The following CCDC192 variants were observed in gnomAD, a reference collection of about 807,000 sequenced individuals.
CCDC192 encodes the protein coiled-coil domain containing 192, also known as coiled-coil domain-containing protein 192.
Position 127,876,973 on chromosome 5 carries a change from C to T in CCDC192, c.535+1312C>T, listed in dbSNP as rs183752924. Among the ~76,000 whole-genome samples the T allele has an allele frequency of 3.7e-4, 57 of 152,172 alleles. 1 individual carries two copies. The highest frequency in any genetic ancestry group is 3.3e-3 in the South Asian group (16 of 4,824). On this transcript the variant is annotated intron_variant, in intron 6 of 6. Coordinates refer to ENST00000514853, the MANE Select transcript of CCDC192 (RefSeq NM_001317938.2). ...CCATGAAACCTAAAAGAATAAAATC[C>T]GTCACAGAATATTATCCATTTAAAA...
At chr5:127,822,288 G>A (rs928954398) in intron 5 of CCDC192, among the ~76,000 whole-genome samples, 3 of 152,110 alleles carry the variant, frequency 2.0e-5, no homozygotes, top group African/African-American at 7.2e-5. Context: ...TCCCTTTTGG[G>A]GTTCAATCTG....
chr5:127,703,826 C>CCAGCCT (rs1750812916), intron 1 of CCDC192, among the ~76,000 whole-genome samples: 1 of 152,124 alleles, frequency 6.6e-6, no homozygotes, highest in South Asian at 2.1e-4. Flanking sequence ...GGGTATGAAG[C>CCAGCCT]CAGCCTTCTT....
chr5:127,708,136 A>G (rs1751076733), intron 2 of CCDC192, among the ~76,000 whole-genome samples: 1 of 152,236 alleles, frequency 6.6e-6, no homozygotes, highest in Non-Finnish European at 1.5e-5. Flanking sequence ...CACGAATGAT[A>G]TACATTGGGT....
intron 6 of CCDC192, among the ~76,000 whole-genome samples, chr5:127,901,010 T>C (rs974541972): frequency 6.6e-5 from 10 of 152,220 alleles, no homozygotes; most frequent in Non-Finnish European, 8.8e-5. Flanking sequence ...CCCTGGAGAA[T>C]ACATATTTTG....
At chr5:127,751,414 C>G (rs906551943) in intron 2 of CCDC192, among the ~76,000 whole-genome samples, 1 of 151,938 alleles carries the variant, frequency 6.6e-6, no homozygotes. Flanking sequence ...GTTGAAAATT[C>G]TTTTCTTTAA....
At chr5:127,728,645 G>T (rs774711825) in intron 2 of CCDC192, among the ~76,000 whole-genome samples, 5 of 152,136 alleles carry the variant, frequency 3.3e-5, no homozygotes, top group Non-Finnish European at 7.3e-5. Context: ...TAACAAGTCT[G>T]CAAAATAACC....
chr5:127,820,780 A>G (rs1236839303), intron 5 of CCDC192, among the ~76,000 whole-genome samples: 1 of 152,104 alleles, frequency 6.6e-6, no homozygotes, highest in African/African-American at 2.4e-5. Context: ...TACTTTTCAA[A>G]TATATGTATC....
intron 3 of CCDC192, among the ~76,000 whole-genome samples, chr5:127,790,934 A>G (rs1424716684): frequency 6.6e-6 from 1 of 152,212 alleles, no homozygotes; most frequent in Non-Finnish European, 1.5e-5. Flanking sequence ...AGTTTCACAT[A>G]TTTGCTTACA....
intron 5 of CCDC192, among the ~76,000 whole-genome samples, chr5:127,814,842 T>C (rs1414745719): frequency 6.6e-6 from 1 of 152,262 alleles, no homozygotes; most frequent in Non-Finnish European, 1.5e-5. Context: ...ATTCATGTCC[T>C]ACGTACCTGT....
At chr5:127,897,477 G>A (rs776908849) in intron 6 of CCDC192, among the ~76,000 whole-genome samples, 3 of 152,078 alleles carry the variant, frequency 2.0e-5, no homozygotes, top group Admixed American at 6.5e-5. Flanking sequence ...AAGGCTCTCG[G>A]GTTCTAAGTG....
At chr5:127,852,464 A>G (rs1339619556) in intron 5 of CCDC192, among the ~76,000 whole-genome samples, 1 of 152,142 alleles carries the variant, frequency 6.6e-6, no homozygotes, top group Non-Finnish European at 1.5e-5. Context: ...AGTCACATTT[A>G]CACACTCTGA....
chr5:127,780,352 G>A (rs1561484326), intron 3 of CCDC192, among the ~76,000 whole-genome samples: 1 of 151,992 alleles, frequency 6.6e-6, no homozygotes, highest in Non-Finnish European at 1.5e-5. Context: ...TGGATCAAAT[G>A]GTAGAACTAA....
Position 127,919,073 on chromosome 5 carries a change from ATGTG to A in CCDC192, c.536-22081_536-22078del, listed in dbSNP as rs70997353. Among the ~76,000 whole-genome samples the A allele has an allele frequency of 2.5e-3, 347 of 137,374 alleles. No homozygotes were observed. In the East Asian group the frequency reaches 0.03, roughly 12 times the overall value. The allele number at this position is 137,374 out of a possible 152,430, so 90.1% of individuals were successfully genotyped here. ...TGTGTGTGTATGTGTGTGTGTATAT[ATGTG>A]TGTGTGTGTGTGTGTGTGTGTGTGT... On this transcript the variant is annotated intron_variant, in intron 6 of 6. Coordinates refer to ENST00000514853, the MANE Select transcript of CCDC192 (RefSeq NM_001317938.2).
At chr5:127,791,278 G>A (rs545176922) in intron 3 of CCDC192, among the ~76,000 whole-genome samples, 1 of 152,218 alleles carries the variant, frequency 6.6e-6, no homozygotes, top group East Asian at 1.9e-4. Flanking sequence ...ACACTATAAA[G>A]TTATTGCAAT....
chr5:127,788,995 CA>C (rs917048021), intron 3 of CCDC192, among the ~76,000 whole-genome samples: 39 of 151,366 alleles, frequency 2.6e-4, no homozygotes, highest in Middle Eastern at 3.4e-3. Context: ...GAGGATACAG[CA>C]AAAAAAAGGG....
chr5:127,898,316 C>T (rs1313967480), intron 6 of CCDC192, among the ~76,000 whole-genome samples: 2 of 152,052 alleles, frequency 1.3e-5, no homozygotes, highest in Non-Finnish European at 2.9e-5. Flanking sequence ...ACCATGTTGG[C>T]CAGGCTGGTC....
chr5:127,807,749 G>A (rs1187755661), intron 5 of CCDC192, among the ~76,000 whole-genome samples: 2 of 152,070 alleles, frequency 1.3e-5, no homozygotes, highest in Admixed American at 6.6e-5. Context: ...ATCAGGAGTC[G>A]ATATTTGAGC....
At chr5:127,925,488 G>A (rs1753838089) in intron 6 of CCDC192, among the ~76,000 whole-genome samples, 1 of 152,186 alleles carries the variant, frequency 6.6e-6, no homozygotes, top group Admixed American at 6.5e-5. Context: ...AGTTAGCTTA[G>A]CAGACACATC....
At chr5:127,918,326 T>C (rs566979484) in intron 6 of CCDC192, among the ~76,000 whole-genome samples, 1 of 152,266 alleles carries the variant, frequency 6.6e-6, no homozygotes, top group Admixed American at 6.5e-5. Context: ...CGGAGTGTCC[T>C]TTTCTATTTG....
Sources: allele counts gnomAD v4.1 joint callset (sites outside exome capture counted in the v4.1 genomes callset), GRCh38; gene constraint gnomAD v4.1.1; transcripts MANE v1.5; gene names NCBI Gene and HGNC (gene_info 2026-07-23, HGNC 2026-07-21).